Variants in CA7 observed in about 807,000 individuals in gnomAD.
CA7 encodes the protein carbonate dehydratase VII.
A neutral mutation model predicts 31.4 loss-of-function variants in CA7; 13 were observed. The ratio of observed to expected loss-of-function variants is 0.41; its 90% CI spans 0.27 to 0.66. The LOEUF is 0.66. Ranked by LOEUF, CA7 falls within the 30% of genes least tolerant of loss-of-function variation. The pLI, the probability that CA7 is intolerant of heterozygous loss-of-function variation, is 0.28. For synonymous variants in CA7, 128 were observed against 133.2 expected, an observed-to-expected ratio of 0.96 and a Z score of 0.27; for missense variants, 215 against 351.0, an observed-to-expected ratio of 0.61 and a Z score of 3.10.
chr16:66,852,614 GAAAAGAA>G, intron 5 of CA7, 91 bp from the exon 6 acceptor site: 1 of 818,608 alleles, frequency 1.2e-6, no homozygotes. Context: ...AAAGAAAAAA[GAAAAGAA>G]AAAAGAAAGA....
intron 1 of CA7, 40 bp downstream of exon 1, chr16:66,844,567 C>G (rs1960884276): frequency 4.6e-6 from 7 of 1,509,310 alleles, no homozygotes; most frequent in Non-Finnish European, 5.4e-6. Flanking sequence ...GCTCGGACCC[C>G]CGACCCAACT....
intron 3 of CA7, among the ~76,000 whole-genome samples, chr16:66,850,922 T>C (rs375549314): frequency 9.9e-5 from 15 of 152,216 alleles, no homozygotes; most frequent in Middle Eastern, 3.4e-3. Flanking sequence ...GACAGCCCTT[T>C]AAGGGTTGAG....
Position 66,851,515 on chromosome 16 carries a change from C to T in CA7, c.410C>T (p.Ala137Val), listed in dbSNP as rs1436173328. Residue 137 changes from alanine to valine, a missense_variant, in exon 4 of 7, where the codon GCC (alanine) becomes GTC (valine). By Grantham distance (64) the Ala-to-Val change is moderately conservative. Coordinates refer to ENST00000338437, the MANE Select transcript of CA7 (RefSeq NM_005182.3). ...AKKYSTFGEA[A>V]SAPDGLAVVG... ...AAGTACAGCACTTTTGGGGAGGCGG[C>T]CTCAGCACCTGATGGCCTGGCTGTG... 1 of 1,614,080 alleles carries T rather than the reference C, an allele frequency of 6.2e-7. No homozygotes were observed. Among genetic ancestry groups the T allele is most frequent in the Non-Finnish European group, 8.5e-7 (1 of 1,179,994 alleles).
At chr16:66,851,861 G>C (rs1597063469) in intron 5 of CA7, 135 bp downstream of exon 5, 3 of 782,924 alleles carry the variant, frequency 3.8e-6, no homozygotes, top group Non-Finnish European at 6.6e-6. Context: ...AGCATCAGCA[G>C]GGCCCTGCAC....
In CA7 at chr16:66,851,479, G is replaced by A. The variant is rs1961048469; in HGVS notation, c.374G>A (p.Trp125Ter). 1 of 1,614,056 alleles carries A rather than the reference G, an allele frequency of 6.2e-7. No individual in the cohort carries two copies. Among genetic ancestry groups the A allele is most frequent in the Non-Finnish European group, 8.5e-7 (1 of 1,180,006 alleles). The change falls in exon 4 of 7, where the codon TGG becomes TAG. Residue 125 changes from tryptophan to a stop codon, truncating the protein, a stop_gained. Transcript: ENST00000338437. LOFTEE classifies it high-confidence loss of function. ...SFPSELHLVH[W>*]NAKKYSTFGE... ...GCCCCATAGCTGCATCTGGTTCACT[G>A]GAATGCCAAGAAGTACAGCACTTTT...
At chr16:66,850,777 G>A (rs181833930) in intron 3 of CA7, 118 bp downstream of exon 3, 17 of 722,340 alleles carry the variant, frequency 2.4e-5, no homozygotes, top group Admixed American at 1.4e-4. Flanking sequence ...AGGAGCACCC[G>A]GGGCCTTTGG....
chr16:66,845,280 C>A, intron 1 of CA7: 2 of 950,490 alleles, frequency 2.1e-6, no homozygotes, highest in Non-Finnish European at 1.3e-6. Context: ...AGTCAATTCC[C>A]TTTGGGGCCA....
Position 66,850,701 on chromosome 16 carries a change from A to G in CA7, c.357+42A>G. On this transcript the variant is annotated intron_variant, in intron 3 of 6. Coordinates refer to ENST00000338437, the MANE Select transcript of CA7 (RefSeq NM_005182.3). ...ACTTGAATCCCTCTGCTACATGGGA[A>G]GGAACGCAGGCCTGGGTAGTCAGGG... The G allele has an allele frequency of 2.2e-6, 3 of 1,391,426 alleles. No individual in the cohort carries two copies. In the East Asian group the frequency reaches 6.8e-5, roughly 32 times the overall value. The allele number at this position is 1,391,426 out of a possible 1,614,324, so 86.2% of individuals were successfully genotyped here.
intron 1 of CA7, chr16:66,844,817 A>T: frequency 1.2e-6 from 1 of 868,224 alleles, no homozygotes; most frequent in Non-Finnish European, 1.5e-6. Flanking sequence ...GCTCAGACCC[A>T]GGCCCAGACT....
chr16:66,850,445 A>C (rs1210566418), intron 2 of CA7, 96 bp from the exon 3 acceptor site: 2 of 771,528 alleles, frequency 2.6e-6, no homozygotes, highest in Non-Finnish European at 4.6e-6. Context: ...TGACTCAAAA[A>C]AAAAAATGTC....
Position 66,853,584 on chromosome 16 carries a change from T to A in CA7, c.*86T>A. On this transcript the variant is annotated 3_prime_UTR_variant, in exon 7 of 7. Coordinates refer to ENST00000338437, the MANE Select transcript of CA7 (RefSeq NM_005182.3). This position sits in a 1 kb window ranked among gnomAD's most constrained non-coding sequence, Gnocchi z 4.5. ...AGACACCAAACCATCTGAGGCTTCC[T>A]CCCTGGGGGGTGCTGGGGACCCTCC... The A allele has an allele frequency of 6.4e-7, 1 of 1,558,502 alleles. No homozygotes were observed. Among genetic ancestry groups the A allele is most frequent in the Non-Finnish European group, 8.7e-7 (1 of 1,149,218 alleles).
At chr16:66,851,782 C>G in intron 5 of CA7, 56 bp downstream of exon 5, 1 of 1,517,828 alleles carries the variant, frequency 6.6e-7, no homozygotes, top group South Asian at 1.2e-5. Flanking sequence ...AAGAGGCTGG[C>G]TCACAAGTTG....
At chr16:66,849,369 A>C (rs1461559917) in intron 2 of CA7, among the ~76,000 whole-genome samples, 2 of 152,054 alleles carry the variant, frequency 1.3e-5, no homozygotes, top group Non-Finnish European at 1.5e-5. Flanking sequence ...AAGTTTAAAG[A>C]AGTTTCAAGG....
Position 66,852,751 on chromosome 16 carries a change from C to T in CA7, c.556C>T (p.Leu186Phe). The change falls in exon 6 of 7, where the codon CTC becomes TTC. Residue 186 changes from leucine to phenylalanine, a missense_variant. Transcript: ENST00000338437. ...AQFSCFNPKC[L>F]LPASRHYWTY... Reference sequence around the variant, plus strand: ...GTTCAGCTGCTTCAACCCCAAGTGCCTCCTGCCTGCCAGCCGGCACTACTG... The same window carrying T: ...GTTCAGCTGCTTCAACCCCAAGTGCTTCCTGCCTGCCAGCCGGCACTACTG... 1 of 1,614,038 alleles carries T rather than the reference C, an allele frequency of 6.2e-7. No individual in the cohort carries two copies. Among genetic ancestry groups the T allele is most frequent in the Non-Finnish European group, 8.5e-7 (1 of 1,179,944 alleles).
chr16:66,852,542 G>GGAAGGAA (rs1421276646), intron 5 of CA7, among the ~76,000 whole-genome samples, 170 bp from the exon 6 acceptor site: 7 of 127,436 alleles, frequency 5.5e-5, no homozygotes, highest in African/African-American at 2.9e-4. Context: ...AAGGAAGGAA[G>GGAAGGAA]GAAGGAAGAA....
At chr16:66,846,270 G>A (rs1960927150) in intron 1 of CA7, among the ~76,000 whole-genome samples, 1 of 152,178 alleles carries the variant, frequency 6.6e-6, no homozygotes, top group Non-Finnish European at 1.5e-5. Flanking sequence ...GTTTGTGTGT[G>A]AGAGAGCATA....
rs1961072904 is a variant in CA7 at position 66,852,303 on chromosome 16, A to C, written c.517-409A>C. On this transcript the variant is annotated intron_variant, in intron 5 of 6. Coordinates refer to ENST00000338437, the MANE Select transcript of CA7 (RefSeq NM_005182.3). Reference sequence around the variant, plus strand: ...CATGGTGAAACCCTGTCTCTACTAAACATACAAAAATTAGCCAGGTATGGT... The same window carrying C: ...CATGGTGAAACCCTGTCTCTACTAACCATACAAAAATTAGCCAGGTATGGT... Among the ~76,000 whole-genome samples, 8 of 151,996 alleles carry C rather than the reference A, an allele frequency of 5.3e-5. No homozygotes were observed. In the South Asian group the frequency reaches 1.7e-3, roughly 31 times the overall value.
chr16:66,852,668 T>TGG, intron 5 of CA7, 44 bp from the exon 6 acceptor site: 1 of 1,488,364 alleles, frequency 6.7e-7, no homozygotes. Flanking sequence ...TTGGTCCCAG[T>TGG]GGGAGGTCTA....
chr16:66,849,063 G>C (rs1960985093), intron 2 of CA7, among the ~76,000 whole-genome samples: 1 of 152,140 alleles, frequency 6.6e-6, no homozygotes, highest in Non-Finnish European at 1.5e-5. Context: ...CACCCATCAT[G>C]GAAGGGACCA....
Sources: gnomAD v4.1 joint callset for allele counts (sites outside exome capture counted in the v4.1 genomes callset) on GRCh38, gnomAD v4.1.1 for gene constraint, Gnocchi (gnomAD v3.1) non-coding constraint, MANE v1.5 for transcripts, NCBI Gene and HGNC (gene_info 2026-07-23, HGNC 2026-07-21) for gene names.